FRY: variants seen among roughly 807,000 people sequenced by gnomAD.
FRY encodes the protein protein furry homolog.
A neutral mutation model predicts 348.4 loss-of-function variants in FRY; 128 were observed. That is an observed-to-expected ratio of 0.37 (90% CI 0.32 to 0.43). The LOEUF is 0.43. Ranked by LOEUF, FRY falls within the 20% of genes least tolerant of loss-of-function variation. The pLI is 1.00. For synonymous variants in FRY, 1,370 were observed against 1,374.7 expected (o/e 1.00, Z 0.08); for missense variants, 2,736 against 3,695.2 (o/e 0.74, Z 6.73).
At chr13:32,221,526 G>A (rs1885313805) in intron 36 of FRY, among the ~76,000 whole-genome samples, 1 of 152,074 alleles carries the variant, frequency 6.6e-6, no homozygotes, top group South Asian at 2.1e-4. Flanking sequence ...TTTTATTATT[G>A]TTTTTGAGAC....
intron 2 of FRY, among the ~76,000 whole-genome samples, chr13:32,088,361 T>G (rs1384482484): frequency 6.6e-6 from 1 of 152,208 alleles, no homozygotes; most frequent in Non-Finnish European, 1.5e-5. Context: ...CTGGCTAGTT[T>G]TCAAATTATA....
chr13:32,123,620 C>A (rs147475682), intron 4 of FRY, among the ~76,000 whole-genome samples: 3 of 152,304 alleles, frequency 2.0e-5, no homozygotes, highest in African/African-American at 7.2e-5. Context: ...GGTATGGTAG[C>A]CTGTCTCAAG....
At chr13:32,178,460 C>CTGCCCTCTTGTTTTTCCATT in intron 21 of FRY, 24 bp downstream of exon 21, 5 of 1,613,342 alleles carry the variant, frequency 3.1e-6, no homozygotes, top group Non-Finnish European at 4.2e-6. Context: ...GTGTTTTCCT[C>CTGCCCTCTTGTTTTTCCATT]TGCCCTCTTG....
intron 59 of FRY, among the ~76,000 whole-genome samples, chr13:32,293,347 A>G (rs1889472438): frequency 6.6e-6 from 1 of 152,226 alleles, no homozygotes; most frequent in Admixed American, 6.5e-5. Context: ...TATTTCACTA[A>G]ATTTTAAACC....
chr13:32,179,417 G>T (rs770830452), intron 22 of FRY, among the ~76,000 whole-genome samples: 84 of 151,390 alleles, frequency 5.5e-4, no homozygotes, highest in Non-Finnish European at 1.0e-3. Context: ...AGACTTAAAT[G>T]GTTTTAAAAA....
At chr13:32,153,541 C>T (rs1480164862) in intron 14 of FRY, among the ~76,000 whole-genome samples, 1 of 152,146 alleles carries the variant, frequency 6.6e-6, no homozygotes, top group Non-Finnish European at 1.5e-5. Flanking sequence ...AGAAGACTAA[C>T]CGCAAAAACG....
chr13:32,138,028 G>C (rs1406430474), intron 11 of FRY, among the ~76,000 whole-genome samples: 2 of 152,102 alleles, frequency 1.3e-5, no homozygotes, highest in Admixed American at 1.3e-4. Flanking sequence ...TATAATAGCA[G>C]TGGATAGAAA....
At chr13:32,255,118 T>C (rs1259798460) in intron 51 of FRY, among the ~76,000 whole-genome samples, 2 of 152,200 alleles carry the variant, frequency 1.3e-5, no homozygotes, top group African/African-American at 4.8e-5. Context: ...AGAGGCATGT[T>C]CCACCTGAGA....
In FRY at chr13:32,113,279, T is replaced by C. The variant is rs887375325; in HGVS notation, c.325-4055T>C. 4.6e-5 allele frequency among the ~76,000 whole-genome samples: 7 copies of C among 152,194 alleles called. No homozygotes were observed. In the East Asian group the frequency reaches 7.7e-4, roughly 17 times the overall value. On this transcript the variant is annotated intron_variant, in intron 3 of 60. Coordinates refer to ENST00000542859, the MANE Select transcript of FRY (RefSeq NM_023037.3). ...AGTTACTTTAAAGTTATTCATTAAA[T>C]GTTCCATTTATGAGAAGCCAGTCTT...
chr13:32,137,312 C>T (rs2138783896), intron 11 of FRY, among the ~76,000 whole-genome samples: 1 of 152,274 alleles, frequency 6.6e-6, no homozygotes, highest in African/African-American at 2.4e-5. Context: ...CTAATAGAAG[C>T]ATGTGAATTG....
At chr13:32,129,424 A>G (rs1293799128) in intron 7 of FRY, among the ~76,000 whole-genome samples, 1 of 152,194 alleles carries the variant, frequency 6.6e-6, no homozygotes, top group Admixed American at 6.5e-5. Flanking sequence ...AATTTTTGCT[A>G]ATTTCCTAAT....
At position 32,244,172 on chromosome 13, in the gene FRY, A is replaced by T; in HGVS notation, c.6818A>T (p.Lys2273Ile). 1 of 1,613,690 alleles carries T rather than the reference A, an allele frequency of 6.2e-7. No homozygotes were observed. The highest frequency in any genetic ancestry group is 1.1e-5 in the South Asian group (1 of 91,064). ...GTGGAAGTTCTGAAGACAATTGAAAAATATGTGCAAGTGAGTACTTGGATA... is the reference window on the plus strand; with the variant it reads ...GTGGAAGTTCTGAAGACAATTGAAATATATGTGCAAGTGAGTACTTGGATA... ...FNVEVLKTIE[K>I]YVQSVHWREA... The change falls in exon 47 of 61, where the codon AAA (lysine) becomes ATA (isoleucine). Residue 2273 changes from lysine (K) to isoleucine (I), a missense_variant. By Grantham distance (102) the Lys-to-Ile change is moderately radical. This residue lies in a region of FRY where 789 missense variants were observed against 996.2 expected (regional missense o/e 0.79). Transcript: ENST00000542859.
intron 48 of FRY, among the ~76,000 whole-genome samples, chr13:32,249,099 A>C (rs936196487): frequency 6.6e-6 from 1 of 152,248 alleles, no homozygotes; most frequent in African/African-American, 2.4e-5. Context: ...TTGAAAAGAT[A>C]TAAATAAGTT....
At chr13:32,230,626 CATGT>C (rs1358802960) in intron 40 of FRY, among the ~76,000 whole-genome samples, 1 of 152,170 alleles carries the variant, frequency 6.6e-6, no homozygotes, top group African/African-American at 2.4e-5. Context: ...CATATGCATG[CATGT>C]GTCTTTATAA....
At chr13:32,208,805 T>C in intron 31 of FRY, 48 bp from the exon 32 acceptor site, 1 of 1,610,874 alleles carries the variant, frequency 6.2e-7, no homozygotes, top group Non-Finnish European at 8.5e-7. Flanking sequence ...CCATTTATTT[T>C]GGTGGAATAA....
At chr13:32,231,449 A>G (rs1401519949) in intron 41 of FRY, 149 bp downstream of exon 41, 2 of 780,870 alleles carry the variant, frequency 2.6e-6, no homozygotes, top group Admixed American at 1.8e-5. Context: ...AAGCTTGTTC[A>G]GATGCTGCCT....
rs762942036 is a variant in FRY at position 32,208,910 on chromosome 13, A to G, written c.4076A>G (p.Tyr1359Cys). The stretch of plus-strand genomic sequence containing the variant: ...AACGGGCGCCAGATCATGCTTACCT[A>G]CCTGCTGCCCTGGCTGCACAACATC... ...HPNGRQIMLT[Y>C]LLPWLHNIEL... Residue 1359 changes from tyrosine to cysteine, a missense_variant, in exon 32 of 61, where the codon TAC becomes TGC. Physicochemically the swap from Tyr to Cys is radical, Grantham distance 194. Coordinates refer to ENST00000542859, the MANE Select transcript of FRY (RefSeq NM_023037.3). The G allele has an allele frequency of 6.2e-7, 1 of 1,614,040 alleles. No individual in the cohort carries two copies. Among genetic ancestry groups the G allele is most frequent in the Non-Finnish European group, 8.5e-7 (1 of 1,180,006 alleles).
chr13:32,055,266 A>G (rs573785362), intron 1 of FRY, among the ~76,000 whole-genome samples: 35 of 152,152 alleles, frequency 2.3e-4, no homozygotes, highest in African/African-American at 8.0e-4. Flanking sequence ...GCTGGCCTCA[A>G]ACTCCTGGGC....
At chr13:32,156,684 C>T (rs563855483) in intron 15 of FRY, among the ~76,000 whole-genome samples, 1 of 149,738 alleles carries the variant, frequency 6.7e-6, no homozygotes, top group East Asian at 2.0e-4. Flanking sequence ...ATTTTAAATA[C>T]AAAGGTATTT....
Sources: gnomAD v4.1 joint callset for allele counts (sites outside exome capture counted in the v4.1 genomes callset) on GRCh38, gnomAD v4.1.1 for gene constraint, gnomAD v4.1.1 regional missense constraint, MANE v1.5 for transcripts, NCBI Gene and HGNC (gene_info 2026-07-23, HGNC 2026-07-21) for gene names.